HYDIN: variants seen among roughly 807,000 people sequenced by gnomAD.
The protein encoded by HYDIN is HYDIN axonemal central pair apparatus protein, also known as axonemal central pair apparatus protein HYDIN.
In HYDIN, 132 loss-of-function variants were observed where a neutral mutation model predicts 403.9. The observed-to-expected ratio is 0.33, with a 90% CI of 0.28 to 0.38. The LOEUF is 0.38. Ranked by LOEUF, HYDIN falls within the 10% of genes least tolerant of loss-of-function variation. HYDIN has a pLI of 1.00. For missense variants in HYDIN, 2,827 were observed against 5,009.5 expected (o/e 0.56, Z 13.15); for synonymous variants, 1,202 against 1,891.7 (o/e 0.64, Z 9.46).
At chr16:71,215,991 T>C (rs2088859277) in intron 1 of HYDIN, among the ~76,000 whole-genome samples, 1 of 152,106 alleles carries the variant, frequency 6.6e-6, no homozygotes, top group Non-Finnish European at 1.5e-5. Context: ...CTCCTCTGTG[T>C]TGTAATGGGA....
intron 25 of HYDIN, 21 bp from the exon 26 acceptor site, chr16:70,988,533 GA>G: frequency 1.5e-5 from 4 of 265,730 alleles, no homozygotes; most frequent in Non-Finnish European, 1.8e-5. Flanking sequence ...AAGATGTGAG[GA>G]AAAGCTGGCA....
At chr16:71,017,510 T>C (rs556269792) in intron 23 of HYDIN, among the ~76,000 whole-genome samples, 2 of 152,250 alleles carry the variant, frequency 1.3e-5, no homozygotes, top group South Asian at 4.2e-4. Flanking sequence ...ATTAAAACTT[T>C]TTTCTTCATA....
intron 6 of HYDIN, among the ~76,000 whole-genome samples, chr16:71,157,185 G>T (rs914660168): frequency 2.0e-5 from 3 of 151,634 alleles, no homozygotes; most frequent in Non-Finnish European, 4.4e-5. Flanking sequence ...GACATGCAAA[G>T]AAAGTTTTAG....
At chr16:70,864,369 A>C (rs2039609810) in intron 67 of HYDIN, among the ~76,000 whole-genome samples, 2 of 117,586 alleles carry the variant, frequency 1.7e-5, no homozygotes, top group Admixed American at 8.5e-5. Context: ...AAAAAAAAAA[A>C]AAAAAAAAAA....
intron 18 of HYDIN, among the ~76,000 whole-genome samples, chr16:71,054,977 C>A (rs1418929190): frequency 2.0e-5 from 3 of 152,274 alleles, no homozygotes; most frequent in Non-Finnish European, 2.9e-5. Flanking sequence ...CATTTCAACA[C>A]CCCTCTGCAT....
At chr16:70,852,196 C>T (rs1349829221) in intron 73 of HYDIN, among the ~76,000 whole-genome samples, 2 of 114,814 alleles carry the variant, frequency 1.7e-5, no homozygotes, top group Non-Finnish European at 3.3e-5. Flanking sequence ...CCATGTGTAC[C>T]CCAAACCTAT....
chr16:71,149,670 G>A (rs1207244611), intron 7 of HYDIN, among the ~76,000 whole-genome samples: 1 of 151,888 alleles, frequency 6.6e-6, no homozygotes, highest in African/African-American at 2.4e-5. Flanking sequence ...GGGACCACAG[G>A]CACATGCCGC....
chr16:71,092,489 G>A (rs112116900), intron 11 of HYDIN, among the ~76,000 whole-genome samples: 12 of 151,924 alleles, frequency 7.9e-5, no homozygotes, highest in African/African-American at 2.9e-4. Context: ...ACTTCTCTAA[G>A]ACTCAGTTTA....
rs533725767 is a variant in HYDIN at position 70,848,309 on chromosome 16, T to C, written c.12873+1417A>G. Among the ~76,000 whole-genome samples, 9 of 152,078 alleles carry C rather than the reference T, an allele frequency of 5.9e-5. No individual in the cohort carries two copies. In the East Asian group the frequency reaches 1.7e-3, roughly 29 times the overall value. On this transcript the variant is annotated intron_variant, in intron 75 of 85. Transcript: ENST00000393567. ...ATAGATGGTTTCAAGTATTTGTCTA[T>C]TAAGTCCAACATCTGGGCTCCCTCA...
intron 83 of HYDIN, among the ~76,000 whole-genome samples, chr16:70,820,506 G>A (rs28659836): frequency 0.038 from 5,755 of 150,980 alleles, 309 homozygotes; most frequent in African/African-American, 0.13. Flanking sequence ...TGTTTGGCCC[G>A]AAGTCTGCTT....
chr16:70,993,906 A>G (rs1337924345), intron 23 of HYDIN, among the ~76,000 whole-genome samples: 2 of 152,152 alleles, frequency 1.3e-5, no homozygotes, highest in African/African-American at 4.8e-5. Context: ...GTATTCATTA[A>G]TAGGCTTAGT....
chr16:71,172,487 A>C (rs967762668), intron 5 of HYDIN, among the ~76,000 whole-genome samples: 18 of 152,146 alleles, frequency 1.2e-4, no homozygotes, highest in Non-Finnish European at 2.2e-4. Flanking sequence ...TAGGTACACT[A>C]GGATTATTAG....
At chr16:71,081,171 C>A (rs2082774981) in intron 12 of HYDIN, among the ~76,000 whole-genome samples, 1 of 152,072 alleles carries the variant, frequency 6.6e-6, no homozygotes, top group Admixed American at 6.6e-5. Context: ...TCTTGTTTAC[C>A]TTCAGAGCAA....
At chr16:70,948,108 G>C (rs1236416109) in intron 41 of HYDIN, among the ~76,000 whole-genome samples, 1 of 151,110 alleles carries the variant, frequency 6.6e-6, no homozygotes, top group Non-Finnish European at 1.5e-5. Context: ...CCAAAACAGA[G>C]ATATAGATCA....
chr16:70,836,938 T>G (rs942237485), intron 77 of HYDIN, among the ~76,000 whole-genome samples: 13 of 152,264 alleles, frequency 8.5e-5, no homozygotes, highest in Non-Finnish European at 1.8e-4. Context: ...ACACATTAGC[T>G]GGTAATGTCC....
rs759979523 is a variant in HYDIN, at chr16:70,879,470, G to A, written c.10384C>T (p.Arg3462Ter). ...CCAGCGATGTCAAACACGAGGCCTC[G>A]GCTCTTGGCCAGGGTGCTGTAGGGG... ...DGLPSTLAKS[R>*]GLVFDIAGEG... The change falls in exon 62 of 86, where the codon CGA becomes TGA. Residue 3462 changes from arginine (R) to a stop codon, truncating the protein, a stop_gained. Coordinates refer to ENST00000393567, the MANE Select transcript of HYDIN (RefSeq NM_001270974.2). LOFTEE classifies it high-confidence loss of function. The A allele has an allele frequency of 1.9e-6, 3 of 1,613,666 alleles. No individual in the cohort carries two copies. Among genetic ancestry groups the A allele is most frequent in the Non-Finnish European group, 1.7e-6 (2 of 1,179,800 alleles).
At chr16:71,230,411 T>C (rs1213496280) in intron 1 of HYDIN, among the ~76,000 whole-genome samples, 151 bp downstream of exon 1, 2 of 151,936 alleles carry the variant, frequency 1.3e-5, no homozygotes, top group East Asian at 1.9e-4. Flanking sequence ...GAGTGAGAAG[T>C]GGCTAGGGAA....
chr16:71,019,175 C>T (rs1205188227), intron 22 of HYDIN, among the ~76,000 whole-genome samples: 11 of 152,018 alleles, frequency 7.2e-5, no homozygotes, highest in African/African-American at 2.7e-4. Flanking sequence ...AACACCTTCC[C>T]GTAGAAAGGC....
At chr16:71,102,670 T>G (rs1301614372) in intron 10 of HYDIN, among the ~76,000 whole-genome samples, 3 of 151,772 alleles carry the variant, frequency 2.0e-5, no homozygotes, top group Non-Finnish European at 4.4e-5. Context: ...GTTTCGTGCT[T>G]TCCTCTTTAA....
Sources: allele counts gnomAD v4.1 joint callset (sites outside exome capture counted in the v4.1 genomes callset), GRCh38; gene constraint gnomAD v4.1.1; transcripts MANE v1.5; gene names NCBI Gene and HGNC (gene_info 2026-07-23, HGNC 2026-07-21).